TENM1: variants seen among roughly 807,000 people sequenced by gnomAD.
TENM1 encodes teneurin-1.
A neutral mutation model predicts 174.8 loss-of-function variants in TENM1; 35 were observed. That is an observed-to-expected ratio of 0.20 (90% CI 0.15 to 0.27). The LOEUF is 0.27. Among genes scored for constraint, TENM1 ranks in the 10% least tolerant of loss-of-function variants. The probability of loss-of-function intolerance (pLI) is 1.00; values close to 1 mark genes in which losing one functional copy is unlikely to be tolerated. For synonymous variants in TENM1, 781 were observed against 798.7 expected, an observed-to-expected ratio of 0.98 and a Z score of 0.37; for missense variants, 1,633 against 2,130.1, an observed-to-expected ratio of 0.77 and a Z score of 4.59.
At chrX:124,906,810 A>G (rs2057756210) in intron 1 of TENM1, among the ~76,000 whole-genome samples, 1 of 111,925 alleles carries the variant, frequency 8.9e-6, no homozygotes, top group Non-Finnish European at 1.9e-5. Context: ...AAAGAGGCCA[A>G]ATAAAAAGTC....
upstream of TENM1, among the ~76,000 whole-genome samples, chrX:124,966,921 T>G (rs1014529252): frequency 9.0e-6 from 1 of 111,411 alleles, no homozygotes; most frequent in Non-Finnish European, 1.9e-5. Flanking sequence ...AATAAACAAC[T>G]GTTGAAAACT....
chrX:124,708,764 T>A (rs746881570), intron 4 of TENM1, among the ~76,000 whole-genome samples: 1 of 111,618 alleles, frequency 9.0e-6, no homozygotes, highest in South Asian at 3.7e-4. Flanking sequence ...AAATAATAAT[T>A]TATGTTACCT....
At chrX:125,006,138 C>T in the TENM1 span, among the ~76,000 whole-genome samples, 1 of 112,000 alleles carries the variant, frequency 8.9e-6, no homozygotes, top group East Asian at 2.8e-4. Flanking sequence ...TCACTGCCAG[C>T]AGAGCAGTCT....
intron 22 of TENM1, among the ~76,000 whole-genome samples, chrX:124,471,324 AAT>A (rs1396639600): frequency 4.0e-5 from 1 of 24,865 alleles, no homozygotes; most frequent in Non-Finnish European, 6.7e-5. Context: ...TATATATTAT[AAT>A]ATATAGTACT....
chrX:124,675,853 G>C (rs2052060911), intron 5 of TENM1, among the ~76,000 whole-genome samples: 1 of 109,977 alleles, frequency 9.1e-6, no homozygotes, highest in African/African-American at 3.3e-5. Flanking sequence ...AGGCCTCTTG[G>C]AGGAGGTAAC....
At chrX:124,886,973 C>T (rs1483647539) in intron 3 of TENM1, among the ~76,000 whole-genome samples, 1 of 110,071 alleles carries the variant, frequency 9.1e-6, no homozygotes, top group Non-Finnish European at 1.9e-5. Context: ...CTCATCATTG[C>T]CAGTGTTGAT....
the TENM1 span, among the ~76,000 whole-genome samples, chrX:125,116,794 G>A: frequency 9.0e-6 from 1 of 111,514 alleles, no homozygotes; most frequent in Non-Finnish European, 1.9e-5. Flanking sequence ...GGTGGATCTC[G>A]AGGTCAGGAG....
chrX:124,406,641 G>A, intron 25 of TENM1, 152 bp from the exon 29 acceptor site: 1 of 404,085 alleles, frequency 2.5e-6, no homozygotes, highest in Non-Finnish European at 4.2e-6. Context: ...AGGTCAGAGA[G>A]ATGATTAATC....
At chrX:125,011,575 C>A in the TENM1 span, among the ~76,000 whole-genome samples, 34 of 111,707 alleles carry the variant, frequency 3.0e-4, no homozygotes, top group East Asian at 9.0e-3. Flanking sequence ...CAACAACAGA[C>A]ATATGAAAAA....
chrX:124,805,907 G>C (rs1255270965), intron 3 of TENM1, among the ~76,000 whole-genome samples: 4 of 111,947 alleles, frequency 3.6e-5, no homozygotes, highest in Admixed American at 2.8e-4. Flanking sequence ...TATGGCCACA[G>C]AGATCAAGAA....
At chrX:124,457,962 G>T (rs1011708129) in intron 22 of TENM1, among the ~76,000 whole-genome samples, 3 of 111,606 alleles carry the variant, frequency 2.7e-5, no homozygotes, top group African/African-American at 9.8e-5. Flanking sequence ...CTGAAATACT[G>T]GATGTTTTTC....
At chrX:124,382,370 C>T (rs1395522868) in intron 31 of TENM1, among the ~76,000 whole-genome samples, 1 of 111,362 alleles carries the variant, frequency 9.0e-6, no homozygotes, top group Non-Finnish European at 1.9e-5. Flanking sequence ...TAGGTAGAAT[C>T]CATAATTGCT....
chrX:124,753,750 G>A (rs2054147587), intron 3 of TENM1, among the ~76,000 whole-genome samples: 1 of 111,765 alleles, frequency 8.9e-6, no homozygotes, highest in Non-Finnish European at 1.9e-5. Context: ...AGATAATCAT[G>A]TGATTTTTGT....
chrX:124,960,758 A>G (rs1221144774), intron 1 of TENM1, among the ~76,000 whole-genome samples: 4 of 112,145 alleles, frequency 3.6e-5, no homozygotes, highest in Admixed American at 9.5e-5. Context: ...CCCACAACCC[A>G]TAAATCACAA....
At chrX:124,432,440 G>T (rs184747044) in intron 23 of TENM1, among the ~76,000 whole-genome samples, 22 of 111,223 alleles carry the variant, frequency 2.0e-4, no homozygotes, top group African/African-American at 7.2e-4. Context: ...ACAGAGTCTT[G>T]CTCTGTCGCC....
chrX:124,789,824 A>T (rs922733174), intron 3 of TENM1, among the ~76,000 whole-genome samples: 7 of 111,647 alleles, frequency 6.3e-5, no homozygotes, highest in African/African-American at 2.3e-4. Context: ...AAACTGTTCC[A>T]ACCTCTGCCT....
chrX:124,776,514 TAAGAATGAAAAC>T (rs1311256022), intron 3 of TENM1, among the ~76,000 whole-genome samples: 1 of 112,048 alleles, frequency 8.9e-6, no homozygotes. Flanking sequence ...TTAAGACAAG[TAAGAATGAAAAC>T]AATGAAAGGT....
intron 11 of TENM1, 55 bp downstream of exon 14, chrX:124,641,736 G>A: frequency 9.2e-7 from 1 of 1,091,059 alleles, no homozygotes; most frequent in South Asian, 1.9e-5. Context: ...CCTTAAGGAA[G>A]GAACAGTTAG....
intron 4 of TENM1, among the ~76,000 whole-genome samples, chrX:124,732,758 A>T (rs1418525038): frequency 8.9e-6 from 1 of 111,924 alleles, no homozygotes; most frequent in Non-Finnish European, 1.9e-5. Flanking sequence ...GATAGTAGAA[A>T]CTATGTGGTA....
Sources: gnomAD v4.1 joint callset for allele counts (sites outside exome capture counted in the v4.1 genomes callset) on GRCh38, gnomAD v4.1.1 for gene constraint, MANE v1.5 for transcripts, NCBI Gene and HGNC (gene_info 2026-07-23, HGNC 2026-07-21) for gene names.